The following PTPRD variants were observed in gnomAD, a reference collection of about 807,000 sequenced individuals.
The protein encoded by PTPRD is protein tyrosine phosphatase receptor type D, also known as receptor-type tyrosine-protein phosphatase delta.
A neutral mutation model predicts 214.5 loss-of-function variants in PTPRD; 34 were observed. The observed-to-expected ratio is 0.16, with a 90% confidence interval of 0.12 to 0.21. The LOEUF is 0.21. PTPRD is among the 10% of genes least tolerant of loss of function. The probability of loss-of-function intolerance (pLI) is 1.00; values close to 1 mark genes in which losing one functional copy is unlikely to be tolerated. For missense variants in PTPRD, 2,545 were observed against 2,398.7 expected, an observed-to-expected ratio of 1.06 and a Z score of -1.27; for synonymous variants, 1,128 against 845.7, an observed-to-expected ratio of 1.33 and a Z score of -5.79.
At chr9:8,919,813 T>C (rs767791364) in intron 11 of PTPRD, among the ~76,000 whole-genome samples, 6 of 131,118 alleles carry the variant, frequency 4.6e-5, no homozygotes, top group Non-Finnish European at 8.9e-5. Flanking sequence ...CAAGTGCACA[T>C]ACATGCACCC....
At chr9:10,172,973 T>A (rs2099220163) in intron 3 of PTPRD, among the ~76,000 whole-genome samples, 1 of 152,238 alleles carries the variant, frequency 6.6e-6, no homozygotes. Flanking sequence ...GGTTCTATTG[T>A]CACATAAATA....
At chr9:8,744,880 T>A (rs948833579) in intron 11 of PTPRD, among the ~76,000 whole-genome samples, 1 of 152,208 alleles carries the variant, frequency 6.6e-6, no homozygotes, top group Non-Finnish European at 1.5e-5. Context: ...AAGATACTAT[T>A]AACAATTTAC....
intron 8 of PTPRD, among the ~76,000 whole-genome samples, chr9:9,449,847 C>T (rs1437131446): frequency 2.0e-5 from 3 of 151,806 alleles, no homozygotes; most frequent in Admixed American, 6.6e-5. Context: ...GAGCAGTGTA[C>T]ACTATATACA....
chr9:10,505,551 A>C (rs1195520843), intron 2 of PTPRD, among the ~76,000 whole-genome samples: 1 of 152,144 alleles, frequency 6.6e-6, no homozygotes, highest in Non-Finnish European at 1.5e-5. Flanking sequence ...AGAATGCCAG[A>C]ATAAAGTGTT....
chr9:8,483,585 T>C (rs2096934476), intron 30 of PTPRD, among the ~76,000 whole-genome samples: 2 of 152,182 alleles, frequency 1.3e-5, no homozygotes, highest in Non-Finnish European at 2.9e-5. Flanking sequence ...ACCCGGTCTC[T>C]ACTAAAAATA....
At chr9:9,563,266 C>T (rs986965159) in intron 8 of PTPRD, among the ~76,000 whole-genome samples, 1 of 152,138 alleles carries the variant, frequency 6.6e-6, no homozygotes, top group African/African-American at 2.4e-5. Context: ...GGCTTAGGTG[C>T]GCTGTGCAAA....
At chr9:10,087,115 T>G (rs548951194) in intron 3 of PTPRD, among the ~76,000 whole-genome samples, 1 of 147,200 alleles carries the variant, frequency 6.8e-6, no homozygotes, top group East Asian at 2.1e-4. Context: ...CAATGCTTGA[T>G]TTTTCTCAAA....
intron 11 of PTPRD, 51 bp from the exon 12 acceptor site, chr9:8,733,997 T>G (rs887933353): frequency 1.1e-5 from 8 of 699,618 alleles, no homozygotes; most frequent in Non-Finnish European, 2.0e-5. Flanking sequence ...CAAAAGTGCT[T>G]AGATTTCTTA....
intron 9 of PTPRD, among the ~76,000 whole-genome samples, chr9:9,365,042 C>G (rs1235499246): frequency 6.6e-6 from 1 of 151,386 alleles, no homozygotes; most frequent in Non-Finnish European, 1.5e-5. Context: ...AGGATGACTC[C>G]CATCTTACCT....
At chr9:9,813,415 C>T (rs908236095) in intron 5 of PTPRD, among the ~76,000 whole-genome samples, 1 of 151,298 alleles carries the variant, frequency 6.6e-6, no homozygotes, top group African/African-American at 2.4e-5. Context: ...AGACAGAGCT[C>T]AATAAATTAG....
intron 4 of PTPRD, among the ~76,000 whole-genome samples, chr9:9,985,071 C>T (rs1049376894): frequency 6.6e-6 from 1 of 152,180 alleles, no homozygotes; most frequent in African/African-American, 2.4e-5. Context: ...CATATACCCA[C>T]ATGCAAATAC....
At chr9:8,473,248 T>G (rs1277589875) in intron 30 of PTPRD, among the ~76,000 whole-genome samples, 4 of 152,130 alleles carry the variant, frequency 2.6e-5, no homozygotes, top group African/African-American at 4.8e-5. Flanking sequence ...AGCCATTCAT[T>G]TTCTTTACTA....
chr9:10,340,088 C>T (rs905167363), intron 3 of PTPRD, among the ~76,000 whole-genome samples: 3 of 151,718 alleles, frequency 2.0e-5, no homozygotes, highest in Non-Finnish European at 2.9e-5. Flanking sequence ...CAAAAAAATG[C>T]TAATTACTTG....
chr9:8,403,827 C>T (rs1357103548), intron 36 of PTPRD, among the ~76,000 whole-genome samples: 1 of 152,164 alleles, frequency 6.6e-6, no homozygotes. Flanking sequence ...AGTGGATATC[C>T]AGATTTATTT....
chr9:8,930,272 C>G (rs1438518989), intron 11 of PTPRD, among the ~76,000 whole-genome samples: 1 of 151,900 alleles, frequency 6.6e-6, no homozygotes, highest in South Asian at 2.1e-4. Context: ...TCATCCATGT[C>G]CCTACAAAGG....
At chr9:8,542,724 G>T (rs2078799543) in intron 14 of PTPRD, among the ~76,000 whole-genome samples, 1 of 152,204 alleles carries the variant, frequency 6.6e-6, no homozygotes, top group Non-Finnish European at 1.5e-5. Context: ...GGCAAAAGGG[G>T]CTCGTAGAGC....
intron 5 of PTPRD, among the ~76,000 whole-genome samples, chr9:9,889,158 G>C (rs570074656): frequency 5.9e-5 from 9 of 152,056 alleles, no homozygotes; most frequent in Middle Eastern, 6.8e-3. Context: ...GTAGGTGAGA[G>C]GATACGAAAT....
chr9:9,521,391 G>A (rs1465235645), intron 8 of PTPRD, among the ~76,000 whole-genome samples: 44 of 152,166 alleles, frequency 2.9e-4, no homozygotes, highest in Admixed American at 1.3e-4. Context: ...CTACTTGCTA[G>A]TCAACTCCCA....
intron 2 of PTPRD, among the ~76,000 whole-genome samples, chr9:10,455,153 C>T (rs2098899466): frequency 1.3e-5 from 2 of 151,706 alleles, no homozygotes; most frequent in Non-Finnish European, 1.5e-5. Context: ...CTTCTTGACA[C>T]AAACTGATGA....
Sources: gnomAD v4.1 joint callset for allele counts (sites outside exome capture counted in the v4.1 genomes callset) on GRCh38, gnomAD v4.1.1 for gene constraint, MANE v1.5 for transcripts, NCBI Gene and HGNC (gene_info 2026-07-23, HGNC 2026-07-21) for gene names.